The following PLEKHA2 variants were observed in gnomAD, a reference collection of about 807,000 sequenced individuals.
PLEKHA2 encodes pleckstrin homology domain-containing family A member 2.
A neutral mutation model predicts 53.2 loss-of-function variants in PLEKHA2; 28 were observed. The ratio of observed to expected loss-of-function variants is 0.53; its 90% CI spans 0.39 to 0.72. The LOEUF (loss-of-function observed/expected upper bound fraction) is 0.72, where lower values mean the gene tolerates loss of function less well. Ranked by LOEUF, PLEKHA2 falls within the 30% of genes least tolerant of loss-of-function variation. The pLI, the probability that PLEKHA2 is intolerant of heterozygous loss-of-function variation, is 0.00. For synonymous variants in PLEKHA2, 193 were observed against 196.4 expected (o/e 0.98, Z 0.14); for missense variants, 426 against 537.9 (o/e 0.79, Z 2.06).
In PLEKHA2 at chr8:38,922,659, T is replaced by C. The variant is rs1834214071; in HGVS notation, c.141+4589T>C. ...ACCCAGGTCTCCGATCTTTGTGTGT[T>C]GAAGCCACCTGGTAGGTGGTGTTCA... On this transcript the variant is annotated intron_variant, in intron 2 of 11. Transcript: ENST00000617275. The surrounding 1 kb of genome is among the most constrained non-coding windows in gnomAD (Gnocchi z 4.0). 6.6e-6 allele frequency among the ~76,000 whole-genome samples: 1 copy of C among 152,248 alleles called. No individual in the cohort carries two copies. Among genetic ancestry groups the C allele is most frequent in the African/African-American group, 2.4e-5 (1 of 41,458 alleles).
At position 38,969,798 on chromosome 8, in the gene PLEKHA2, A is replaced by G. The variant is rs113861338; in HGVS notation, c.*15A>G. Reference sequence around the variant, plus strand: ...CTGATGTGTGATGGAGCACAGTGCCATGGGAGGGAGGGAGGGAGGGAGGAC... The same window carrying G: ...CTGATGTGTGATGGAGCACAGTGCCGTGGGAGGGAGGGAGGGAGGGAGGAC... On this transcript the variant is annotated 3_prime_UTR_variant, in exon 12 of 12. Transcript: ENST00000617275. The G allele has an allele frequency of 8.5e-4, 396 of 466,838 alleles. 7 individuals carry two copies. Among genetic ancestry groups the G allele is most frequent in the African/African-American group, 6.8e-3 (315 of 46,662 alleles). The allele number at this position is 466,838 out of a possible 1,614,324, so 28.9% of individuals were successfully genotyped here. A position where few individuals can be genotyped will look rare whatever the true frequency, so the allele number is the denominator to read the frequency against.
intron 1 of PLEKHA2, among the ~76,000 whole-genome samples, chr8:38,907,760 CA>C (rs10639555): frequency 2.1e-4 from 29 of 140,648 alleles, no homozygotes; most frequent in East Asian, 1.0e-3. Context: ...GACCATATCT[CA>C]AAAAAAAAAA....
chr8:38,956,025 G>T (rs1260526888), intron 9 of PLEKHA2, among the ~76,000 whole-genome samples: 2 of 152,088 alleles, frequency 1.3e-5, no homozygotes, highest in Non-Finnish European at 2.9e-5. Context: ...TGTTGTCCAG[G>T]CTGGCCTAGA....
chr8:38,940,089 C>T (rs1325777127), intron 3 of PLEKHA2, among the ~76,000 whole-genome samples: 1 of 89,072 alleles, frequency 1.1e-5, no homozygotes, highest in East Asian at 3.3e-4. Flanking sequence ...GAGACCCTAT[C>T]TCTTAAAAAA....
At chr8:38,940,093 TAA>T (rs71216698) in intron 3 of PLEKHA2, among the ~76,000 whole-genome samples, 39,741 of 106,270 alleles carry the variant, frequency 0.37, 6,872 homozygotes, top group African/African-American at 0.39. Context: ...CCCTATCTCT[TAA>T]AAAAAAAAAA....
At chr8:38,955,221 C>G (rs1834917418) in intron 9 of PLEKHA2, among the ~76,000 whole-genome samples, 1 of 152,140 alleles carries the variant, frequency 6.6e-6, no homozygotes, top group African/African-American at 2.4e-5. Flanking sequence ...CCTGCCCTTC[C>G]CACCCTGAGA....
intron 2 of PLEKHA2, among the ~76,000 whole-genome samples, chr8:38,925,834 A>T (rs977243119): frequency 9.8e-5 from 15 of 152,340 alleles, no homozygotes; most frequent in Non-Finnish European, 1.9e-4. Context: ...GTGTTTTTTT[A>T]AAAAAACGTG....
chr8:38,919,859 C>G (rs1834146963), intron 2 of PLEKHA2, among the ~76,000 whole-genome samples: 1 of 152,198 alleles, frequency 6.6e-6, no homozygotes, highest in African/African-American at 2.4e-5. Flanking sequence ...TGAACCCTTC[C>G]TAGGCACACT....
intron 3 of PLEKHA2, among the ~76,000 whole-genome samples, chr8:38,940,855 A>G (rs1158549654): frequency 1.3e-5 from 2 of 151,786 alleles, no homozygotes; most frequent in South Asian, 2.1e-4. Flanking sequence ...TTCACCTCAC[A>G]TCTCAAAATG....
rs1390787719 is a variant in PLEKHA2, at chr8:38,922,537, G to C, written c.141+4467G>C. On this transcript the variant is annotated intron_variant, in intron 2 of 11. Transcript: ENST00000617275. The surrounding 1 kb of genome is among the most constrained non-coding windows in gnomAD (Gnocchi z 4.0). The stretch of plus-strand genomic sequence containing the variant: ...TATGAAAAGAGGCATTGAGAACTGT[G>C]TGTGGTCGTTGAACATCTTTATTTG... Among the ~76,000 whole-genome samples, 1 of 152,212 alleles carries C rather than the reference G, an allele frequency of 6.6e-6. No individual in the cohort carries two copies. Among genetic ancestry groups the C allele is most frequent in the Non-Finnish European group, 1.5e-5 (1 of 68,036 alleles).
intron 1 of PLEKHA2, among the ~76,000 whole-genome samples, chr8:38,905,128 T>C (rs1833850358): frequency 6.6e-6 from 1 of 152,132 alleles, no homozygotes; most frequent in South Asian, 2.1e-4. Context: ...GCACACCCTT[T>C]TGAATGGTCA....
At chr8:38,963,384 G>A (rs1835074310) in intron 10 of PLEKHA2, among the ~76,000 whole-genome samples, 1 of 152,152 alleles carries the variant, frequency 6.6e-6, no homozygotes, top group African/African-American at 2.4e-5. Flanking sequence ...TCATGGGTGG[G>A]TAGACTTCAG....
intron 3 of PLEKHA2, among the ~76,000 whole-genome samples, chr8:38,942,603 C>G (rs1249734464): frequency 1.3e-5 from 2 of 152,196 alleles, no homozygotes; most frequent in Non-Finnish European, 2.9e-5. Flanking sequence ...AGTCCCCGGC[C>G]TAGGACCCAT....
intron 2 of PLEKHA2, among the ~76,000 whole-genome samples, chr8:38,933,790 A>AAAAAAAAAAAAAAG (rs71216697): frequency 6.6e-5 from 6 of 90,650 alleles, no homozygotes; most frequent in East Asian, 2.0e-4. Flanking sequence ...AAAAAAAAAA[A>AAAAAAAAAAAAAAG]AAAAGAAAAG....
At position 38,918,129 on chromosome 8, in the gene PLEKHA2, A is replaced by G. The variant is rs780045253; in HGVS notation, c.141+59A>G. 1.9e-6 allele frequency: 3 copies of G among 1,571,438 alleles called. No homozygotes were observed. The Admixed American group carries it at 5.6e-5, about 29-fold the overall frequency. On this transcript the variant is annotated intron_variant, in intron 2 of 11. Coordinates refer to ENST00000617275, the MANE Select transcript of PLEKHA2 (RefSeq NM_021623.2). ...GGGTGCCCATCACTGCGCCAGAGGA[A>G]TGCACACAGGGTTAGCCTCCAGGCC...
At chr8:38,934,065 A>G (rs901562554) in intron 2 of PLEKHA2, among the ~76,000 whole-genome samples, 2 of 151,992 alleles carry the variant, frequency 1.3e-5, no homozygotes, top group South Asian at 2.1e-4. Flanking sequence ...GTTAATTTAG[A>G]TAGGTGGGGT....
At chr8:38,940,465 G>T (rs1834584834) in intron 3 of PLEKHA2, among the ~76,000 whole-genome samples, 1 of 152,054 alleles carries the variant, frequency 6.6e-6, no homozygotes, top group Non-Finnish European at 1.5e-5. Context: ...GGCTGGGATG[G>T]CCAAACACAG....
chr8:38,920,864 G>A (rs771300162), intron 2 of PLEKHA2, among the ~76,000 whole-genome samples: 11 of 151,276 alleles, frequency 7.3e-5, no homozygotes, highest in East Asian at 1.9e-4. Flanking sequence ...GCAATGGCGC[G>A]ATCTCAGCTC....
At chr8:38,963,203 T>C (rs1341673929) in intron 10 of PLEKHA2, among the ~76,000 whole-genome samples, 1 of 152,210 alleles carries the variant, frequency 6.6e-6, no homozygotes. Flanking sequence ...TCTGTCCTAC[T>C]CATCTCAAAA....
Sources: gnomAD v4.1 joint callset for allele counts (sites outside exome capture counted in the v4.1 genomes callset) on GRCh38, gnomAD v4.1.1 for gene constraint, Gnocchi (gnomAD v3.1) non-coding constraint, MANE v1.5 for transcripts, NCBI Gene and HGNC (gene_info 2026-07-23, HGNC 2026-07-21) for gene names.